MYO16: variants seen among roughly 807,000 people sequenced by gnomAD.
MYO16 encodes the protein myosin XVI, also known as unconventional myosin-XVI.
A neutral mutation model predicts 205.3 loss-of-function variants in MYO16; 94 were observed. The ratio of observed to expected loss-of-function variants is 0.46; its 90% CI spans 0.39 to 0.54. MYO16 has a LOEUF of 0.54. Among genes scored for constraint, MYO16 ranks in the 20% least tolerant of loss-of-function variants. MYO16 has a pLI of 0.00. For missense variants in MYO16, 2,315 were observed against 2,387.5 expected (o/e 0.97, Z 0.63); for synonymous variants, 988 against 954.0 (o/e 1.04, Z -0.66).
the MYO16 span, among the ~76,000 whole-genome samples, chr13:108,519,649 C>A: frequency 0.041 from 4,840 of 118,468 alleles, 147 homozygotes; most frequent in African/African-American, 0.075. Flanking sequence ...ACACACACAC[C>A]CACACACACA....
chr13:108,552,122 G>T, the MYO16 span, among the ~76,000 whole-genome samples: 1 of 152,166 alleles, frequency 6.6e-6, no homozygotes, highest in African/African-American at 2.4e-5. Flanking sequence ...TGGATAGAAG[G>T]TGTTTTGGGC....
At chr13:108,756,659 A>C (rs753635959) in intron 4 of MYO16, among the ~76,000 whole-genome samples, 3 of 152,126 alleles carry the variant, frequency 2.0e-5, no homozygotes, top group Non-Finnish European at 2.9e-5. Flanking sequence ...CTAACTACAG[A>C]AGGAATTCAC....
chr13:109,050,117 T>C (rs926838540), intron 24 of MYO16, among the ~76,000 whole-genome samples: 6 of 152,144 alleles, frequency 3.9e-5, no homozygotes, highest in Admixed American at 1.3e-4. Flanking sequence ...TACTCATATC[T>C]AATCCAGAAT....
chr13:108,704,482 C>T (rs1328239738), intron 2 of MYO16, among the ~76,000 whole-genome samples: 1 of 151,984 alleles, frequency 6.6e-6, no homozygotes, highest in Admixed American at 6.6e-5. Flanking sequence ...CACATGTACC[C>T]AAGAACTTAA....
chr13:108,589,572 A>G, the MYO16 span, among the ~76,000 whole-genome samples: 2 of 152,170 alleles, frequency 1.3e-5, no homozygotes, highest in South Asian at 2.1e-4. Flanking sequence ...CTTCAATCCA[A>G]AAAAGAAAAT....
intron 20 of MYO16, among the ~76,000 whole-genome samples, chr13:108,990,922 G>A (rs1251203136): frequency 1.3e-5 from 2 of 152,168 alleles, no homozygotes; most frequent in Non-Finnish European, 2.9e-5. Flanking sequence ...AAAGACTGAG[G>A]TGGTTGCCAG....
chr13:109,149,269 A>G (rs559373765), intron 32 of MYO16, among the ~76,000 whole-genome samples: 59 of 152,330 alleles, frequency 3.9e-4, no homozygotes, highest in African/African-American at 1.4e-3. Flanking sequence ...TCCTGGTCAT[A>G]ATATAAACAG....
At chr13:109,174,481 G>T (rs1253256993) in intron 33 of MYO16, among the ~76,000 whole-genome samples, 13 of 152,084 alleles carry the variant, frequency 8.5e-5, no homozygotes. Context: ...TTGAGAAGGG[G>T]GGAAATGGAG....
intron 2 of MYO16, among the ~76,000 whole-genome samples, chr13:108,706,707 A>G (rs1393631704): frequency 2.0e-5 from 3 of 152,210 alleles, no homozygotes; most frequent in Non-Finnish European, 4.4e-5. Flanking sequence ...TCATAACTGC[A>G]CACTGGATTG....
At chr13:109,137,825 G>A (rs1441186680) in intron 31 of MYO16, among the ~76,000 whole-genome samples, 1 of 152,094 alleles carries the variant, frequency 6.6e-6, no homozygotes, top group Non-Finnish European at 1.5e-5. Context: ...AGAGAGCTTT[G>A]CCCAGGAGCT....
intron 1 of MYO16, among the ~76,000 whole-genome samples, chr13:108,664,095 C>T (rs188216820): frequency 3.9e-5 from 6 of 152,212 alleles, no homozygotes; most frequent in Admixed American, 6.5e-5. Context: ...TGTCTATTTG[C>T]GTTTAGGTTA....
At position 108,992,443 on chromosome 13, in the gene MYO16, G is replaced by C. The variant is rs1265393100; in HGVS notation, c.2437G>C (p.Glu813Gln). 6.4e-7 allele frequency: 1 copy of C among 1,562,012 alleles called. No homozygotes were observed. Among genetic ancestry groups the C allele is most frequent in the Non-Finnish European group, 8.8e-7 (1 of 1,134,252 alleles). ...TGAAGAGTTTCAAAAGAATGAATTTGAACAAGTAAGTAGTCTTTCTTTTAA... is the reference window on the plus strand; with the variant it reads ...TGAAGAGTTTCAAAAGAATGAATTTCAACAAGTAAGTAGTCTTTCTTTTAA... ...GFEEFQKNEF[E>Q]QLCVNMTNEK... Residue 813 changes from glutamate (E) to glutamine (Q), a missense_variant, in exon 21 of 35, where the codon GAA becomes CAA. Around this residue, in one of 3 missense-constraint regions of MYO16, gnomAD observed 1,213 missense variants for 1,274.4 expected, o/e 0.95. Transcript: ENST00000457511.
intron 27 of MYO16, among the ~76,000 whole-genome samples, chr13:109,090,546 G>T (rs1162255422): frequency 6.6e-6 from 1 of 152,294 alleles, no homozygotes; most frequent in African/African-American, 2.4e-5. Context: ...ATGCAAGAAG[G>T]GGTGGGCAGG....
chr13:108,962,011 T>C lies in MYO16; in HGVS notation c.2155+355T>C, dbSNP rs551013494. 5.9e-5 allele frequency among the ~76,000 whole-genome samples: 9 copies of C among 152,344 alleles called. No homozygotes were observed. The South Asian group carries it at 1.9e-3, about 32-fold the overall frequency. On this transcript the variant is annotated intron_variant, in intron 18 of 34. Coordinates refer to ENST00000457511, the MANE Select transcript of MYO16 (RefSeq NM_001198950.3). ...TTTAAACAGAATGTAATTAATTCCC[T>C]TTCAAAGATCTTGCCAAAAATCTCT... is the stretch of plus-strand genomic sequence containing the variant.
At chr13:108,534,392 A>T in the MYO16 span, among the ~76,000 whole-genome samples, 1 of 152,062 alleles carries the variant, frequency 6.6e-6, no homozygotes, top group African/African-American at 2.4e-5. Flanking sequence ...CCCAGAAGAA[A>T]CCCAGTGCTC....
intron 22 of MYO16, among the ~76,000 whole-genome samples, chr13:109,010,366 G>A (rs1885550793): frequency 6.6e-6 from 1 of 152,084 alleles, no homozygotes; most frequent in Non-Finnish European, 1.5e-5. Context: ...CTTTATTTCA[G>A]ACATCCAGAA....
At chr13:109,202,811 G>A (rs994362973) in intron 34 of MYO16, among the ~76,000 whole-genome samples, 3 of 152,096 alleles carry the variant, frequency 2.0e-5, no homozygotes, top group African/African-American at 7.2e-5. Flanking sequence ...TATACTATAA[G>A]GCCATAGTCA....
intron 24 of MYO16, among the ~76,000 whole-genome samples, chr13:109,047,253 G>A (rs1411725073): frequency 6.6e-6 from 1 of 152,124 alleles, no homozygotes; most frequent in Non-Finnish European, 1.5e-5. Context: ...CTACTTTAGT[G>A]GGTTGAATAT....
chr13:108,524,732 C>T, the MYO16 span, among the ~76,000 whole-genome samples: 2 of 152,114 alleles, frequency 1.3e-5, no homozygotes, highest in Admixed American at 6.5e-5. Context: ...ATGATTATAA[C>T]CTCTGGAGCA....
Sources: allele counts gnomAD v4.1 joint callset (sites outside exome capture counted in the v4.1 genomes callset), GRCh38; gene constraint gnomAD v4.1.1; regional missense constraint gnomAD v4.1.1; transcripts MANE v1.5; gene names NCBI Gene and HGNC (gene_info 2026-07-23, HGNC 2026-07-21).